The following ATG7 variants were observed in gnomAD, a reference collection of about 807,000 sequenced individuals.
The protein encoded by ATG7 is autophagy related 7.
In ATG7, 70 loss-of-function variants were observed where a neutral mutation model predicts 82.4. That is an observed-to-expected ratio of 0.85 (90% CI 0.70 to 1.04). The LOEUF (loss-of-function observed/expected upper bound fraction) is 1.04. Among genes scored for constraint, ATG7 ranks in the 50% least tolerant of loss-of-function variants. ATG7 has a pLI of 0.00. For missense variants in ATG7, 792 were observed against 864.3 expected, an observed-to-expected ratio of 0.92 and a Z score of 1.05; for synonymous variants, 287 against 313.0, an observed-to-expected ratio of 0.92 and a Z score of 0.88.
At chr3:11,362,755 C>A in intron 16 of ATG7, 58 bp from the exon 17 acceptor site, 1 of 1,399,716 alleles carries the variant, frequency 7.1e-7, no homozygotes, top group Non-Finnish European at 9.9e-7. Flanking sequence ...ATACTTGAGA[C>A]AGCTAGAGTT....
intron 16 of ATG7, among the ~76,000 whole-genome samples, chr3:11,362,233 C>T (rs1404076502): frequency 6.6e-6 from 1 of 152,098 alleles, no homozygotes; most frequent in Admixed American, 6.5e-5. Flanking sequence ...TTTGGTTGAA[C>T]CAGCAAAGGC....
intron 19 of ATG7, among the ~76,000 whole-genome samples, chr3:11,393,469 T>A (rs2152876697): frequency 6.6e-6 from 1 of 152,322 alleles, no homozygotes; most frequent in South Asian, 2.1e-4. Context: ...TACTGTGTAT[T>A]CAGAAATATT....
At chr3:11,545,848 G>T (rs941291495) in intron 20 of ATG7, among the ~76,000 whole-genome samples, 25 of 152,246 alleles carry the variant, frequency 1.6e-4, no homozygotes, top group Admixed American at 6.5e-5. Flanking sequence ...TCCTGCAGAA[G>T]AAGTGGGGGT....
At chr3:11,476,888 A>G in intron 20 of ATG7, among the ~76,000 whole-genome samples, 1 of 152,326 alleles carries the variant, frequency 6.6e-6, no homozygotes, top group African/African-American at 2.4e-5. Flanking sequence ...GAGCATCTGG[A>G]TTAAAGGCTT....
At chr3:11,496,376 C>A (rs1237563200) in intron 20 of ATG7, among the ~76,000 whole-genome samples, 1 of 152,168 alleles carries the variant, frequency 6.6e-6, no homozygotes, top group Admixed American at 6.5e-5. Flanking sequence ...AGTGATCCTG[C>A]AAGTTTCCCA....
At chr3:11,338,531 C>A (rs759071928) in intron 11 of ATG7, among the ~76,000 whole-genome samples, 1 of 152,124 alleles carries the variant, frequency 6.6e-6, no homozygotes, top group South Asian at 2.1e-4. Context: ...AAACTCAAAT[C>A]TGACTGGGTA....
intron 20 of ATG7, among the ~76,000 whole-genome samples, chr3:11,464,646 C>T (rs1023903866): frequency 6.6e-6 from 1 of 152,118 alleles, no homozygotes. Flanking sequence ...ATTAAATATC[C>T]CCCAAACGAA....
At chr3:11,331,244 G>A in intron 9 of ATG7, 96 bp from the exon 10 acceptor site, 1 of 1,002,248 alleles carries the variant, frequency 1.0e-6, no homozygotes, top group Non-Finnish European at 1.5e-6. Context: ...AGGCTTTGCA[G>A]AAAGCATAAA....
chr3:11,406,587 T>G (rs2080364617), intron 19 of ATG7, among the ~76,000 whole-genome samples: 1 of 152,194 alleles, frequency 6.6e-6, no homozygotes, highest in Non-Finnish European at 1.5e-5. Context: ...ATTTTCATGC[T>G]GCTGATAAAG....
chr3:11,315,620 A>G (rs1440414632), intron 9 of ATG7, 127 bp downstream of exon 9: 2 of 863,268 alleles, frequency 2.3e-6, no homozygotes, highest in East Asian at 5.8e-5. Flanking sequence ...ATGTTTAAGA[A>G]CATTTCCTTA....
intron 20 of ATG7, among the ~76,000 whole-genome samples, chr3:11,510,841 G>A (rs1332552276): frequency 6.6e-6 from 1 of 152,162 alleles, no homozygotes; most frequent in Non-Finnish European, 1.5e-5. Context: ...TGGAGCCTTG[G>A]TGCCCCTGGA....
At chr3:11,291,840 A>G (rs1259588742) in intron 3 of ATG7, among the ~76,000 whole-genome samples, 3 of 152,154 alleles carry the variant, frequency 2.0e-5, no homozygotes, top group Non-Finnish European at 4.4e-5. Context: ...CCTGGTAGAG[A>G]GGGGAAAGGT....
intron 1 of ATG7, among the ~76,000 whole-genome samples, chr3:11,280,793 G>A (rs149889258): frequency 1.3e-5 from 2 of 152,036 alleles, no homozygotes; most frequent in Non-Finnish European, 2.9e-5. Context: ...CCCAGCACAG[G>A]GTTCAGTGCA....
At chr3:11,440,705 C>T (rs1316469968) in intron 20 of ATG7, among the ~76,000 whole-genome samples, 1 of 34,588 alleles carries the variant, frequency 2.9e-5, no homozygotes, top group Non-Finnish European at 4.8e-5. Flanking sequence ...TTTTTTGAGA[C>T]GGACTTTCGC....
At chr3:11,563,354 G>A in the ATG7 span, among the ~76,000 whole-genome samples, 1 of 152,238 alleles carries the variant, frequency 6.6e-6, no homozygotes. Context: ...TACAATGCCT[G>A]TTGAGCTTCC....
chr3:11,324,865 T>TA (rs1950643987), intron 9 of ATG7, among the ~76,000 whole-genome samples: 1 of 152,096 alleles, frequency 6.6e-6, no homozygotes, highest in Admixed American at 6.5e-5. Context: ...CTTTGCCAGT[T>TA]AAGAAAAAAT....
rs561370877 is a variant in ATG7 at position 11,321,617 on chromosome 3, T to A, written c.678+6124T>A. 2.6e-5 allele frequency among the ~76,000 whole-genome samples: 4 copies of A among 152,244 alleles called. No individual in the cohort carries two copies. The South Asian group carries it at 8.3e-4, about 32-fold the overall frequency. On this transcript the variant is annotated intron_variant, in intron 9 of 20. Transcript: ENST00000693202. ...CTATAGTGAAAAAGGAAGCAGCCATTTTTTTTCTGCTCAGCTCACAATGTG... is the reference window on the plus strand; with the variant it reads ...CTATAGTGAAAAAGGAAGCAGCCATATTTTTTCTGCTCAGCTCACAATGTG...
At chr3:11,546,693 G>A (rs1342957850) in intron 20 of ATG7, among the ~76,000 whole-genome samples, 1 of 152,176 alleles carries the variant, frequency 6.6e-6, no homozygotes, top group Non-Finnish European at 1.5e-5. Flanking sequence ...AAACCTCAAG[G>A]CCCTTTGGGT....
intron 20 of ATG7, among the ~76,000 whole-genome samples, chr3:11,512,666 C>T (rs1414610071): frequency 6.6e-6 from 1 of 152,114 alleles, no homozygotes; most frequent in African/African-American, 2.4e-5. Context: ...CAGACCTTCA[C>T]GGTGAGTGTT....
Sources: allele counts gnomAD v4.1 joint callset (sites outside exome capture counted in the v4.1 genomes callset), GRCh38; gene constraint gnomAD v4.1.1; transcripts MANE v1.5; gene names NCBI Gene and HGNC (gene_info 2026-07-23, HGNC 2026-07-21).